MYO5B: variants seen among roughly 807,000 people sequenced by gnomAD.
The protein encoded by MYO5B is myosin VB.
In MYO5B, 143 loss-of-function variants were observed where a neutral mutation model predicts 229.3. That is an observed-to-expected ratio of 0.62 (90% CI 0.54 to 0.72). The LOEUF is 0.72. Among genes scored for constraint, MYO5B ranks in the 30% least tolerant of loss-of-function variants. The probability of loss-of-function intolerance (pLI) is 0.00; values close to 1 mark genes in which losing one functional copy is unlikely to be tolerated. For missense variants in MYO5B, 2,321 were observed against 2,331.0 expected (o/e 1.00, Z 0.09); for synonymous variants, 918 against 885.2 (o/e 1.04, Z -0.66).
chr18:49,858,379 C>T (rs568375771), intron 29 of MYO5B, among the ~76,000 whole-genome samples: 33 of 152,346 alleles, frequency 2.2e-4, no homozygotes, highest in African/African-American at 7.9e-4. Flanking sequence ...GGAAGTAGAG[C>T]GCATCAGCGC....
At chr18:50,169,216 G>A (rs1181807934) in intron 1 of MYO5B, among the ~76,000 whole-genome samples, 1 of 127,550 alleles carries the variant, frequency 7.8e-6, no homozygotes, top group African/African-American at 3.0e-5. Flanking sequence ...GGCTGAGGCA[G>A]GAGGATCCCT....
At chr18:50,010,748 A>G (rs534847350) in intron 4 of MYO5B, among the ~76,000 whole-genome samples, 2 of 152,356 alleles carry the variant, frequency 1.3e-5, no homozygotes, top group African/African-American at 4.8e-5. Context: ...TATGATATAC[A>G]CATATAGAAT....
chr18:50,042,943 C>T (rs2030065017), intron 2 of MYO5B, among the ~76,000 whole-genome samples: 1 of 152,278 alleles, frequency 6.6e-6, no homozygotes, highest in South Asian at 2.1e-4. Context: ...ATGCTGGCCT[C>T]CTCTAGATTC....
chr18:49,864,016 C>G, intron 28 of MYO5B, 125 bp downstream of exon 28: 1 of 1,431,344 alleles, frequency 7.0e-7, no homozygotes, highest in South Asian at 1.3e-5. Context: ...TGGAGGAGAC[C>G]CCACAGCGAG....
At chr18:50,125,086 A>C (rs917942630) in intron 1 of MYO5B, among the ~76,000 whole-genome samples, 2 of 152,132 alleles carry the variant, frequency 1.3e-5, no homozygotes, top group African/African-American at 4.8e-5. Flanking sequence ...AAGGCCTGGC[A>C]CAAGCCCCAG....
intron 2 of MYO5B, among the ~76,000 whole-genome samples, chr18:50,043,363 AT>A (rs2030094420): frequency 4.0e-5 from 4 of 101,216 alleles, no homozygotes; most frequent in Non-Finnish European, 7.6e-5. Context: ...ATATAAATAT[AT>A]TATATAATAT....
intron 1 of MYO5B, among the ~76,000 whole-genome samples, chr18:50,165,788 A>AGGAC (rs397858971): frequency 1.3e-5 from 2 of 150,708 alleles, no homozygotes; most frequent in Non-Finnish European, 3.0e-5. Flanking sequence ...AAAGAAAAAA[A>AGGAC]GGAAGGAAGG....
At chr18:50,039,132 T>C (rs1162352037) in intron 3 of MYO5B, among the ~76,000 whole-genome samples, 1 of 151,638 alleles carries the variant, frequency 6.6e-6, no homozygotes, top group Non-Finnish European at 1.5e-5. Context: ...AGGCGTTCCC[T>C]CCCGGGACAA....
chr18:49,843,844 T>A (rs1315742285), intron 33 of MYO5B, among the ~76,000 whole-genome samples: 1 of 152,116 alleles, frequency 6.6e-6, no homozygotes, highest in Non-Finnish European at 1.5e-5. Context: ...GCTCCAGAAT[T>A]AGACAAATTG....
chr18:50,082,722 T>G (rs972976031), intron 1 of MYO5B, among the ~76,000 whole-genome samples: 5 of 152,124 alleles, frequency 3.3e-5, no homozygotes, highest in Admixed American at 2.0e-4. Context: ...TTATTTTACT[T>G]CAGTTAAAAA....
chr18:49,930,561 G>A lies in MYO5B; in HGVS notation c.2004-963C>T, dbSNP rs1428810651. Among the ~76,000 whole-genome samples the A allele has an allele frequency of 8.5e-5, 13 of 152,248 alleles. No individual in the cohort carries two copies. The South Asian group carries it at 2.7e-3, about 32-fold the overall frequency. ...GGTGAAAATGCCAAAAGAAGCCAGAGAGCAATTGTCTGAGGTTGTTAAACA... is the reference window on the plus strand; with the variant it reads ...GGTGAAAATGCCAAAAGAAGCCAGAAAGCAATTGTCTGAGGTTGTTAAACA... On this transcript the variant is annotated intron_variant, in intron 16 of 39. Coordinates refer to ENST00000285039, the MANE Select transcript of MYO5B (RefSeq NM_001080467.3).
At chr18:49,885,117 T>C (rs913488509) in intron 22 of MYO5B, among the ~76,000 whole-genome samples, 1 of 152,162 alleles carries the variant, frequency 6.6e-6, no homozygotes, top group African/African-American at 2.4e-5. Context: ...TGACCCAGGA[T>C]TGCTACTCCT....
chr18:49,866,957 G>A (rs1285971741), intron 27 of MYO5B, among the ~76,000 whole-genome samples: 2 of 152,206 alleles, frequency 1.3e-5, no homozygotes, highest in Non-Finnish European at 2.9e-5. Flanking sequence ...AGGCAGACAA[G>A]AGGCCTCCAG....
chr18:50,039,610 C>T (rs2029945399), intron 3 of MYO5B, among the ~76,000 whole-genome samples: 2 of 152,152 alleles, frequency 1.3e-5, no homozygotes, highest in South Asian at 4.1e-4. Context: ...GGATTACAGG[C>T]GTGAGCCACT....
intron 1 of MYO5B, among the ~76,000 whole-genome samples, chr18:50,066,210 T>A (rs558160844): frequency 1.3e-5 from 2 of 152,336 alleles, no homozygotes; most frequent in African/African-American, 4.8e-5. Context: ...AGTCTTGCAA[T>A]GTGCATAACC....
chr18:50,101,155 TG>T (rs1454574902), intron 1 of MYO5B, among the ~76,000 whole-genome samples: 13 of 152,198 alleles, frequency 8.5e-5, no homozygotes, highest in African/African-American at 3.1e-4. Context: ...TCCCCCAAAA[TG>T]GTAACTATGT....
chr18:49,890,669 A>G (rs2024701849), intron 22 of MYO5B, among the ~76,000 whole-genome samples: 2 of 152,210 alleles, frequency 1.3e-5, no homozygotes, highest in African/African-American at 2.4e-5. Flanking sequence ...AGTAGCAAAC[A>G]TGGGAAAACT....
chr18:50,135,633 T>C (rs2032323469), intron 1 of MYO5B, among the ~76,000 whole-genome samples: 3 of 152,228 alleles, frequency 2.0e-5, no homozygotes. Flanking sequence ...TGTATTTAAA[T>C]GGCTAATTTC....
intron 14 of MYO5B, among the ~76,000 whole-genome samples, chr18:49,952,461 G>T (rs28445540): frequency 0.13 from 19,676 of 151,750 alleles, 1,377 homozygotes; most frequent in South Asian, 0.22. Flanking sequence ...CTCTCCCCGT[G>T]CTCCTTCTCT....
Sources: gnomAD v4.1 joint callset for allele counts (sites outside exome capture counted in the v4.1 genomes callset) on GRCh38, gnomAD v4.1.1 for gene constraint, MANE v1.5 for transcripts, NCBI Gene and HGNC (gene_info 2026-07-23, HGNC 2026-07-21) for gene names.